DDX20: variants seen among roughly 807,000 people sequenced by gnomAD.
DDX20 encodes DEAD-box helicase 20, also known as probable ATP-dependent RNA helicase DDX20.
DDX20 carries 61 observed loss-of-function variants against 76.4 expected under a neutral mutation model. That is an observed-to-expected ratio of 0.80 (90% CI 0.65 to 0.99). The LOEUF (loss-of-function observed/expected upper bound fraction) is 0.99, where lower values mean the gene tolerates loss of function less well. Among genes scored for constraint, DDX20 ranks in the 50% least tolerant of loss-of-function variants. DDX20 has a pLI of 0.00. For synonymous variants in DDX20, 357 were observed against 357.4 expected (o/e 1.00, Z 0.01); for missense variants, 976 against 996.8 (o/e 0.98, Z 0.28).
chr1:111,760,764 C>G lies in DDX20; in HGVS notation c.739C>G (p.Pro247Ala). 1 of 1,613,770 alleles carries G rather than the reference C, an allele frequency of 6.2e-7. No homozygotes were observed. ...KQMLAVSATY[P>A]EFLANALTKY... ...GATGCTGGCAGTATCAGCTACTTAT[C>G]CCGAATTTTTGGCTAATGCTTTGAC... The change falls in exon 5 of 11, where the codon CCC (proline) becomes GCC (alanine). Residue 247 changes from proline to alanine, a missense_variant. Pro to Ala is a conservative substitution (Grantham distance 27, BLOSUM62 -1). Transcript: ENST00000369702.
chr1:111,756,856 G>C, intron 2 of DDX20, 116 bp downstream of exon 2: 1 of 846,716 alleles, frequency 1.2e-6, no homozygotes, highest in Non-Finnish European at 1.9e-6. Context: ...ATTGAGTTAA[G>C]TGGTGGTGGT....
Position 111,762,888 on chromosome 1 carries a change from C to A in DDX20, c.1211-18C>A. ...TTTGTGAAAATGATTTACTACCTAACATTCTCTCTGCTTTTAGGTACATTG... is the reference window on the plus strand; with the variant it reads ...TTTGTGAAAATGATTTACTACCTAAAATTCTCTCTGCTTTTAGGTACATTG... On this transcript the variant is annotated intron_variant, in intron 9 of 10. Transcript: ENST00000369702. 6.3e-7 allele frequency: 1 copy of A among 1,599,334 alleles called. No individual in the cohort carries two copies. Among genetic ancestry groups the A allele is most frequent in the Non-Finnish European group, 8.6e-7 (1 of 1,166,962 alleles).
Position 111,765,864 on chromosome 1 carries a change from G to A in DDX20, c.1440G>A (p.Glu480=). 6.2e-7 allele frequency: 1 copy of A among 1,613,992 alleles called. No homozygotes were observed. Among genetic ancestry groups the A allele is most frequent in the Non-Finnish European group, 8.5e-7 (1 of 1,179,896 alleles). Residue 480 remains glutamate (E), a synonymous_variant, in exon 11 of 11, where the codon GAG becomes GAA. Transcript: ENST00000369702. The part of the protein sequence containing the change: ...QPLKKQIQKI[E]RTLQIQKAHG... ...TAAAAAAGCAAATTCAGAAAATAGAGAGAACCCTTCAAATTCAGAAAGCTC... is the reference window on the plus strand; with the variant it reads ...TAAAAAAGCAAATTCAGAAAATAGAAAGAACCCTTCAAATTCAGAAAGCTC...
At chr1:111,761,532 ATC>A (rs1663675826) in intron 7 of DDX20, 2 of 360,410 alleles carry the variant, frequency 5.5e-6, no homozygotes. Flanking sequence ...TTTTATTAGA[ATC>A]TCTCTTATAG....
rs1663794220 is a variant in DDX20, at chr1:111,766,861, A to G, written c.2437A>G (p.Thr813Ala). Residue 813 changes from threonine to alanine, a missense_variant, in exon 11 of 11, where the codon ACC becomes GCC. Transcript: ENST00000369702. ...PSWMAAYHMNTIYLQEMMHSN... is the reference protein window; with the variant it reads ...PSWMAAYHMNAIYLQEMMHSN... Reference sequence around the variant, plus strand: ...TTGGATGGCAGCTTATCACATGAATACCATTTATCTACAAGAAATGATGCA... The same window carrying G: ...TTGGATGGCAGCTTATCACATGAATGCCATTTATCTACAAGAAATGATGCA... The G allele has an allele frequency of 6.2e-7, 1 of 1,612,754 alleles. No homozygotes were observed. Among genetic ancestry groups the G allele is most frequent in the Admixed American group, 1.7e-5 (1 of 59,998 alleles).
Position 111,766,833 on chromosome 1 carries a change from A to C in DDX20, c.2409A>C (p.Pro803=), listed in dbSNP as rs760002129. 1 of 1,613,982 alleles carries C rather than the reference A, an allele frequency of 6.2e-7. No homozygotes were observed. The highest frequency in any genetic ancestry group is 8.5e-7 in the Non-Finnish European group (1 of 1,179,972). The change falls in exon 11 of 11, where the codon CCA becomes CCC. Residue 803 remains proline, a synonymous_variant. Coordinates refer to ENST00000369702, the MANE Select transcript of DDX20 (RefSeq NM_007204.5). ...HSYYWNAQRH[P]SWMAAYHMNT... Reference sequence around the variant, plus strand: ...ATTATTGGAATGCTCAGAGACATCCAAGTTGGATGGCAGCTTATCACATGA... The same window carrying C: ...ATTATTGGAATGCTCAGAGACATCCCAGTTGGATGGCAGCTTATCACATGA...
chr1:111,761,349 GA>G, intron 7 of DDX20, 65 bp downstream of exon 7: 2 of 1,331,398 alleles, frequency 1.5e-6, no homozygotes, highest in Admixed American at 2.0e-5. Context: ...AAGTCAGGAG[GA>G]AAAAATACCA....
chr1:111,764,239 G>A (rs1663730189), intron 10 of DDX20, among the ~76,000 whole-genome samples: 1 of 151,554 alleles, frequency 6.6e-6, no homozygotes, highest in Non-Finnish European at 1.5e-5. Flanking sequence ...GCCAAGATCC[G>A]CCATTGCACT....
In DDX20 at chr1:111,762,673, CAAG is replaced by C; in HGVS notation, c.1105-2_1105del. ...CAAATAATTGCTATCTTCTTCAATT[CAAG>C]ACTTCTCGTGGGATTGATGCTGAGA... is the stretch of plus-strand genomic sequence containing the variant. On this transcript the variant is annotated splice_acceptor_variant and splice_polypyrimidine_tract_variant and intron_variant, in intron 8 of 10. Coordinates refer to ENST00000369702, the MANE Select transcript of DDX20 (RefSeq NM_007204.5). LOFTEE classifies it high-confidence loss of function. The C allele has an allele frequency of 6.2e-7, 1 of 1,610,196 alleles. No individual in the cohort carries two copies. Among genetic ancestry groups the C allele is most frequent in the Non-Finnish European group, 8.5e-7 (1 of 1,177,498 alleles).
rs1375637356 is a variant in DDX20, at chr1:111,762,753, T to C, written c.1181T>C (p.Met394Thr). 5 of 1,612,940 alleles carry C rather than the reference T, an allele frequency of 3.1e-6. No homozygotes were observed. The Admixed American group carries it at 6.7e-5, about 22-fold the overall frequency. ...LDVPLDWETY[M>T]HRIGRAGRFG... is the part of the protein sequence containing the mutation. ...GTACCATTGGATTGGGAGACATACA[T>C]GCATCGGATTGGGAGAGCTGGCCGT... The change falls in exon 9 of 11, where the codon ATG becomes ACG. Residue 394 changes from methionine to threonine, a missense_variant. Met to Thr is a moderately conservative substitution (Grantham distance 81). Coordinates refer to ENST00000369702, the MANE Select transcript of DDX20 (RefSeq NM_007204.5).
At chr1:111,763,354 A>C (rs197406) in intron 10 of DDX20, among the ~76,000 whole-genome samples, 28,877 of 152,118 alleles carry the variant, frequency 0.19, 3,772 homozygotes, top group African/African-American at 0.37. Flanking sequence ...GGTGGATCAC[A>C]TGAGGTCAGG....
intron 7 of DDX20, 60 bp downstream of exon 7, chr1:111,761,344 A>C (rs1245311691): frequency 4.2e-6 from 6 of 1,437,748 alleles, no homozygotes; most frequent in African/African-American, 1.4e-5. Context: ...CTCCAAAGTC[A>C]GGAGGAAAAA....
chr1:111,755,979 C>T lies in DDX20; in HGVS notation c.55C>T (p.Pro19Ser). ...GALAAVATAMPAEHVAVQVPA... is the reference protein window; with the variant it reads ...GALAAVATAMSAEHVAVQVPA... ...CTTAGCAGCAGTGGCGACTGCTATG[C>T]CGGCTGAGCATGTGGCCGTGCAGGT... The change falls in exon 1 of 11, where the codon CCG becomes TCG. Residue 19 changes from proline (P) to serine (S), a missense_variant. Pro to Ser is a moderately conservative substitution (Grantham distance 74). Around this residue, in one of 3 missense-constraint regions of DDX20, gnomAD observed 343 missense variants for 286.4 expected, o/e 1.20. Transcript: ENST00000369702. 6.2e-7 allele frequency: 1 copy of T among 1,600,586 alleles called. No homozygotes were observed. The highest frequency in any genetic ancestry group is 8.5e-7 in the Non-Finnish European group (1 of 1,170,852).
At chr1:111,762,124 G>A (rs1663686568) in intron 7 of DDX20, 131 bp from the exon 8 acceptor site, 5 of 630,784 alleles carry the variant, frequency 7.9e-6, no homozygotes, top group African/African-American at 1.9e-5. Flanking sequence ...TTGCACAGAA[G>A]GACAGAATTA....
At chr1:111,764,085 C>G (rs1252153233) in intron 10 of DDX20, among the ~76,000 whole-genome samples, 1 of 152,006 alleles carries the variant, frequency 6.6e-6, no homozygotes, top group Non-Finnish European at 1.5e-5. Context: ...CAAGACCATC[C>G]TGGCTAACAC....
intron 2 of DDX20, among the ~76,000 whole-genome samples, chr1:111,757,413 T>TA (rs1663583705): frequency 6.6e-6 from 1 of 152,178 alleles, no homozygotes; most frequent in African/African-American, 2.4e-5. Context: ...CAGGTTGTCT[T>TA]AGAGTGTTTC....
rs751053695 is a variant in DDX20, at chr1:111,759,545, G to A, written c.542G>A (p.Cys181Tyr). 1 of 1,613,282 alleles carries A rather than the reference G, an allele frequency of 6.2e-7. No homozygotes were observed. The highest frequency in any genetic ancestry group is 8.5e-7 in the Non-Finnish European group (1 of 1,179,786). ...CAAGACAAAACCAGACTTAAAAAGT[G>A]TCATATTGCTGTTGGATCTCCTGGT... ...LSQDKTRLKK[C>Y]HIAVGSPGRI... The change falls in exon 3 of 11, where the codon TGT becomes TAT. Residue 181 changes from cysteine to tyrosine, a missense_variant. Cys to Tyr is a radical substitution (Grantham distance 194). Transcript: ENST00000369702.
Position 111,762,739 on chromosome 1 carries a change from T to C in DDX20, c.1167T>C (p.Asp389=). 6.2e-7 allele frequency: 1 copy of C among 1,613,914 alleles called. No homozygotes were observed. ...TTGTAAATCTGGATGTACCATTGGATTGGGAGACATACATGCATCGGATTG... is the reference window on the plus strand; with the variant it reads ...TTGTAAATCTGGATGTACCATTGGACTGGGAGACATACATGCATCGGATTG... ...NLVVNLDVPL[D]WETYMHRIGR... is the part of the protein sequence containing the mutation. Residue 389 remains aspartate, a synonymous_variant, in exon 9 of 11, where the codon GAT becomes GAC. Coordinates refer to ENST00000369702, the MANE Select transcript of DDX20 (RefSeq NM_007204.5).
intron 1 of DDX20, 40 bp downstream of exon 1, chr1:111,756,265 G>GGGGGC: frequency 3.3e-6 from 4 of 1,194,776 alleles, no homozygotes; most frequent in Non-Finnish European, 4.4e-6. Flanking sequence ...GGGTGGGGTG[G>GGGGGC]GAGAAGGGGG....
Sources: gnomAD v4.1 joint callset for allele counts (sites outside exome capture counted in the v4.1 genomes callset) on GRCh38, gnomAD v4.1.1 for gene constraint, gnomAD v4.1.1 regional missense constraint, MANE v1.5 for transcripts, NCBI Gene and HGNC (gene_info 2026-07-23, HGNC 2026-07-21) for gene names.